CEP70: variants seen among roughly 807,000 people sequenced by gnomAD.
The protein encoded by CEP70 is centrosomal protein 70, also known as centrosomal protein of 70 kDa.
Under a neutral mutation model 90.9 loss-of-function variants are expected in CEP70, and 70 were observed. That is an observed-to-expected ratio of 0.77 (90% confidence interval 0.64 to 0.94). The LOEUF (loss-of-function observed/expected upper bound fraction) is 0.94. Ranked by LOEUF, CEP70 falls within the 40% of genes least tolerant of loss-of-function variation. The pLI, the probability that CEP70 is intolerant of heterozygous loss-of-function variation, is 0.00. For missense variants in CEP70, 648 were observed against 669.0 expected, an observed-to-expected ratio of 0.97 and a Z score of 0.35; for synonymous variants, 220 against 228.3, an observed-to-expected ratio of 0.96 and a Z score of 0.33.
chr3:138,538,126 A>T (rs1286852096), intron 6 of CEP70, among the ~76,000 whole-genome samples: 1 of 152,170 alleles, frequency 6.6e-6, no homozygotes, highest in Non-Finnish European at 1.5e-5. Context: ...CTTGCAGGAG[A>T]ACTGTTCCTG....
rs6439813 is a variant in CEP70 at position 138,586,650 on chromosome 3, C to G, written c.-6+5204G>C. On this transcript the variant is annotated intron_variant, in intron 2 of 17. Transcript: ENST00000264982. Reference sequence around the variant, plus strand: ...CAAAACAATTGAACTCATGGAGACACAGAGTAGAAGGATGGTTACCAAAGG... The same window carrying G: ...CAAAACAATTGAACTCATGGAGACAGAGAGTAGAAGGATGGTTACCAAAGG... Among the ~76,000 whole-genome samples the G allele has an allele frequency of 5.6e-3, 858 of 152,024 alleles. 8 individuals carry two copies. Among genetic ancestry groups the G allele is most frequent in the African/African-American group, 0.02 (826 of 41,474 alleles).
intron 6 of CEP70, among the ~76,000 whole-genome samples, chr3:138,550,984 T>C (rs982839923): frequency 2.6e-5 from 4 of 152,196 alleles, no homozygotes; most frequent in African/African-American, 9.7e-5. Context: ...CCAGCCTTGC[T>C]AAAGACCTAG....
At chr3:138,505,979 G>A (rs896519030) in intron 12 of CEP70, among the ~76,000 whole-genome samples, 4 of 152,168 alleles carry the variant, frequency 2.6e-5, no homozygotes, top group East Asian at 1.9e-4. Flanking sequence ...ATCCTATGCC[G>A]CAGTAAAGTT....
intron 11 of CEP70, among the ~76,000 whole-genome samples, chr3:138,519,546 G>T (rs2036398349): frequency 6.6e-6 from 1 of 152,240 alleles, no homozygotes; most frequent in African/African-American, 2.4e-5. Flanking sequence ...TTAAAGAAAA[G>T]AATTTTCAAC....
chr3:138,540,782 G>T (rs1239698355), intron 6 of CEP70, among the ~76,000 whole-genome samples: 4 of 152,068 alleles, frequency 2.6e-5, no homozygotes, highest in African/African-American at 9.7e-5. Context: ...CTACCATAAA[G>T]AAACATGCAT....
chr3:138,531,955 G>T (rs1458388440), intron 8 of CEP70, among the ~76,000 whole-genome samples: 1 of 152,100 alleles, frequency 6.6e-6, no homozygotes, highest in African/African-American at 2.4e-5. Context: ...ATAATAAAAA[G>T]ATTAGCTACT....
Position 138,571,318 on chromosome 3 carries a change from C to T in CEP70, c.108G>A (p.Leu36=). Reference sequence around the variant, plus strand: ...ACAAAGGTTTTAAGCCATGCATCATCAATAGCACATTTATGCTTTCCCATT... The same window carrying T: ...ACAAAGGTTTTAAGCCATGCATCATTAATAGCACATTTATGCTTTCCCATT... ...EAEWESINVL[L]MMHGLKPLSL... Residue 36 remains leucine, a synonymous_variant, in exon 4 of 18, where the codon TTG becomes TTA. Transcript: ENST00000264982. 1 of 1,611,228 alleles carries T rather than the reference C, an allele frequency of 6.2e-7. No homozygotes were observed. The highest frequency in any genetic ancestry group is 1.7e-5 in the Admixed American group (1 of 59,936).
intron 6 of CEP70, among the ~76,000 whole-genome samples, chr3:138,554,491 T>C (rs1363149467): frequency 6.6e-6 from 1 of 151,976 alleles, no homozygotes; most frequent in Non-Finnish European, 1.5e-5. Context: ...GAGAAAGAAA[T>C]AAAGGGCACC....
chr3:138,590,880 C>T (rs1170026983), intron 2 of CEP70, among the ~76,000 whole-genome samples: 1 of 151,660 alleles, frequency 6.6e-6, no homozygotes, highest in Non-Finnish European at 1.5e-5. Flanking sequence ...AGAATGGTGA[C>T]TAAATGGGAA....
At chr3:138,520,277 G>C (rs1560316333) in intron 11 of CEP70, among the ~76,000 whole-genome samples, 1 of 152,068 alleles carries the variant, frequency 6.6e-6, no homozygotes, top group Admixed American at 6.6e-5. Flanking sequence ...AGATCAACGA[G>C]ACAGAAAATT....
At chr3:138,565,106 G>T (rs2040690617) in intron 6 of CEP70, among the ~76,000 whole-genome samples, 1 of 152,162 alleles carries the variant, frequency 6.6e-6, no homozygotes, top group South Asian at 2.1e-4. Flanking sequence ...TTGCTACTAG[G>T]AGAATTAAAT....
chr3:138,577,656 TAAA>T (rs765067307), intron 2 of CEP70, among the ~76,000 whole-genome samples: 3 of 151,082 alleles, frequency 2.0e-5, no homozygotes, highest in African/African-American at 7.3e-5. Context: ...TCGGAAAAAA[TAAA>T]AAAATTTTTA....
rs1417731879 is a variant in CEP70 at position 138,532,502 on chromosome 3, GA to G, written c.692+11del. 1 of 1,492,942 alleles carries G rather than the reference GA, an allele frequency of 6.7e-7. No individual in the cohort carries two copies. Among genetic ancestry groups the G allele is most frequent in the Non-Finnish European group, 8.9e-7 (1 of 1,120,602 alleles). 92.5% of individuals were successfully genotyped at this position (1,492,942 alleles called of 1,614,324 possible). On this transcript the variant is annotated intron_variant, in intron 8 of 17. Coordinates refer to ENST00000264982, the MANE Select transcript of CEP70 (RefSeq NM_024491.4). ...AAAACCTTTAAAAACTGTAATACAGGATTACTCGTACCTTTGTGTATGAATT... is the reference window on the plus strand; with the variant it reads ...AAAACCTTTAAAAACTGTAATACAGGTTACTCGTACCTTTGTGTATGAATT...
chr3:138,575,823 A>G (rs927864543), intron 2 of CEP70, among the ~76,000 whole-genome samples: 1 of 152,236 alleles, frequency 6.6e-6, no homozygotes, highest in Non-Finnish European at 1.5e-5. Context: ...AAGAATTTTC[A>G]GTCCAGAATT....
At chr3:138,593,401 T>C (rs1169145558) in intron 1 of CEP70, among the ~76,000 whole-genome samples, 1 of 152,132 alleles carries the variant, frequency 6.6e-6, no homozygotes, top group Non-Finnish European at 1.5e-5. Context: ...TTTTGTATTT[T>C]TAGTAGAGAC....
chr3:138,525,320 C>G (rs927907040), intron 11 of CEP70, among the ~76,000 whole-genome samples, 170 bp downstream of exon 11: 1 of 151,844 alleles, frequency 6.6e-6, no homozygotes, highest in Non-Finnish European at 1.5e-5. Flanking sequence ...TGTTAAATGA[C>G]GAGTTACTGG....
chr3:138,526,809 A>G (rs188595967), intron 10 of CEP70, among the ~76,000 whole-genome samples: 9 of 152,350 alleles, frequency 5.9e-5, no homozygotes, highest in Admixed American at 2.6e-4. Flanking sequence ...TTCAAAATCA[A>G]TAAGAGTAAA....
chr3:138,530,521 C>A (rs986593482), intron 8 of CEP70: 14 of 929,776 alleles, frequency 1.5e-5, no homozygotes, highest in Non-Finnish European at 1.7e-5. Context: ...ACAACAACAA[C>A]AAAAAACTTC....
intron 6 of CEP70, among the ~76,000 whole-genome samples, chr3:138,538,094 A>G (rs572121243): frequency 3.4e-4 from 52 of 152,272 alleles, no homozygotes; most frequent in African/African-American, 1.3e-3. Flanking sequence ...ATCAAGACCA[A>G]CTTCCCCACT....
Sources: allele counts gnomAD v4.1 joint callset (sites outside exome capture counted in the v4.1 genomes callset), GRCh38; gene constraint gnomAD v4.1.1; transcripts MANE v1.5; gene names NCBI Gene and HGNC (gene_info 2026-07-23, HGNC 2026-07-21).